Variants in TRIM49 observed in about 807,000 individuals in gnomAD.
TRIM49 encodes the protein tripartite motif-containing protein 49.
A neutral mutation model predicts 27.4 loss-of-function variants in TRIM49; 5 were observed. That is an observed-to-expected ratio of 0.18 (90% CI 0.10 to 0.38). The LOEUF (loss-of-function observed/expected upper bound fraction) is 0.38. TRIM49 is among the 10% of genes least tolerant of loss of function. The pLI is 1.00. For synonymous variants in TRIM49, 69 were observed against 166.0 expected (o/e 0.42, Z 4.49); for missense variants, 188 against 487.5 (o/e 0.39, Z 5.79).
chr11:89,787,873 G>T, the TRIM49 span: 4 of 422,856 alleles, frequency 9.5e-6, no homozygotes, highest in Non-Finnish European at 1.7e-5. Flanking sequence ...GGGTTTGAGG[G>T]CAGGGCAAGG....
downstream of TRIM49, among the ~76,000 whole-genome samples, chr11:89,793,762 C>T (rs1455235809): frequency 1.8e-4 from 27 of 152,024 alleles, no homozygotes; most frequent in Admixed American, 1.1e-3. Flanking sequence ...TTATGACAAT[C>T]CCACAGCCAA....
chr11:89,783,502 G>C, the TRIM49 span, among the ~76,000 whole-genome samples: 2 of 117,702 alleles, frequency 1.7e-5, no homozygotes, highest in African/African-American at 7.5e-5. Flanking sequence ...AATTTTTATA[G>C]GGTTGATTTC....
the TRIM49 span, chr11:89,776,997 T>A: frequency 6.5e-7 from 1 of 1,540,818 alleles, no homozygotes; most frequent in Non-Finnish European, 8.8e-7. Flanking sequence ...TCTGATGCCC[T>A]GCGAGTCTTC....
At chr11:89,776,318 C>T in the TRIM49 span, among the ~76,000 whole-genome samples, 1 of 138,442 alleles carries the variant, frequency 7.2e-6, no homozygotes, top group Non-Finnish European at 1.5e-5. Flanking sequence ...AGTGCAGTGG[C>T]ACGATCTCAG....
Position 89,804,999 on chromosome 11 carries a change from C to T in TRIM49, c.-4-526G>A, listed in dbSNP as rs1435928637. 2.6e-5 allele frequency among the ~76,000 whole-genome samples: 4 copies of T among 151,364 alleles called. No homozygotes were observed. The East Asian group carries it at 7.8e-4, about 30-fold the overall frequency. On this transcript the variant is annotated intron_variant, in intron 2 of 7. Coordinates refer to ENST00000329758, the MANE Select transcript of TRIM49 (RefSeq NM_020358.2). ...TTACCTACATAACAAGCCTGCAAGT[C>T]CTGCAGTTATCCCAGGACTTAAAAT...
the TRIM49 span, among the ~76,000 whole-genome samples, chr11:89,778,303 T>A: frequency 6.6e-6 from 1 of 152,048 alleles, no homozygotes; most frequent in African/African-American, 2.4e-5. Context: ...TAAGATTGGG[T>A]GTGAGGAAGA....
chr11:89,784,599 A>G, the TRIM49 span, among the ~76,000 whole-genome samples: 2 of 136,478 alleles, frequency 1.5e-5, no homozygotes, highest in African/African-American at 6.3e-5. Flanking sequence ...AAAATTATTC[A>G]CCTTAGGGCT....
At chr11:89,785,105 T>A in the TRIM49 span, among the ~76,000 whole-genome samples, 2 of 146,594 alleles carry the variant, frequency 1.4e-5, no homozygotes, top group Non-Finnish European at 3.0e-5. Flanking sequence ...TGGTTACAGA[T>A]TTTTTATGGA....
At chr11:89,791,706 C>G in the TRIM49 span, among the ~76,000 whole-genome samples, 1 of 152,088 alleles carries the variant, frequency 6.6e-6, no homozygotes, top group South Asian at 2.1e-4. Context: ...GAGATTTTGT[C>G]ACCACCAGGC....
chr11:89,800,557 C>T (rs1253708832), intron 6 of TRIM49, among the ~76,000 whole-genome samples: 2 of 150,916 alleles, frequency 1.3e-5, no homozygotes, highest in Non-Finnish European at 2.9e-5. Flanking sequence ...TCCTGGCTAA[C>T]ATGGTGAAAC....
At position 89,804,331 on chromosome 11, in the gene TRIM49, G is replaced by C. The variant is rs777133825; in HGVS notation, c.139C>G (p.Pro47Ala). 3.7e-6 allele frequency: 6 copies of C among 1,611,618 alleles called. No homozygotes were observed. The highest frequency in any genetic ancestry group is 1.7e-4 in the Middle Eastern group (1 of 6,050). The change falls in exon 3 of 8, where the codon CCA becomes GCA. Residue 47 changes from proline to alanine, a missense_variant. Pro to Ala is a conservative substitution (Grantham distance 27). Around this residue, in one of 6 missense-constraint regions of TRIM49, gnomAD observed 37 missense variants for 52.4 expected, o/e 0.71. Transcript: ENST00000329758. ...CATTCAGAGCACTGGACAAGAAATG[G>C]GATGTCTTGCCAGTTGAGGTAGAAA... Reference protein sequence around the residue: ...PCFYLNWQDIPFLVQCSECTK... With the variant: ...PCFYLNWQDIAFLVQCSECTK...
downstream of TRIM49, among the ~76,000 whole-genome samples, chr11:89,796,193 T>C (rs1168662316): frequency 6.6e-6 from 1 of 152,048 alleles, no homozygotes; most frequent in African/African-American, 2.4e-5. Context: ...ATACCTATAA[T>C]TAGCGCATTT....
At chr11:89,786,176 A>C in the TRIM49 span, 2 of 108,894 alleles carry the variant, frequency 1.8e-5, no homozygotes, top group Non-Finnish European at 3.6e-5. Context: ...AGCGTACCGG[A>C]GGAGGGCGTC....
the TRIM49 span, chr11:89,789,717 C>T: frequency 1.3e-5 from 2 of 152,070 alleles, no homozygotes; most frequent in Non-Finnish European, 2.9e-5. Context: ...TGTTGGGTTG[C>T]CAGGCATTCC....
intron 4 of TRIM49, among the ~76,000 whole-genome samples, chr11:89,802,338 G>C (rs1949745210): frequency 6.6e-6 from 1 of 150,500 alleles, no homozygotes; most frequent in Non-Finnish European, 1.5e-5. Context: ...AATGACCTTA[G>C]ACTAGCATGT....
At chr11:89,780,265 A>T in the TRIM49 span, among the ~76,000 whole-genome samples, 1 of 42,598 alleles carries the variant, frequency 2.3e-5, no homozygotes, top group Non-Finnish European at 4.9e-5. Context: ...TGCACAAAAG[A>T]TTAAAGACTT....
At chr11:89,775,954 T>A in the TRIM49 span, among the ~76,000 whole-genome samples, 2 of 147,562 alleles carry the variant, frequency 1.4e-5, no homozygotes, top group Non-Finnish European at 3.0e-5. Context: ...TATATTATCA[T>A]CATGGAATTA....
chr11:89,798,070 G>A lies in TRIM49; in HGVS notation c.*60C>T. 1.0e-6 allele frequency: 1 copy of A among 994,758 alleles called. No individual in the cohort carries two copies. Among genetic ancestry groups the A allele is most frequent in the Non-Finnish European group, 1.3e-6 (1 of 746,610 alleles). 61.6% of individuals were successfully genotyped at this position (994,758 alleles called of 1,614,324 possible). On this transcript the variant is annotated 3_prime_UTR_variant, in exon 8 of 8. Coordinates refer to ENST00000329758, the MANE Select transcript of TRIM49 (RefSeq NM_020358.2). ...CCTGTATGTTAAGGCACAAGGAAGA[G>A]GACTTCCTGGGATAAAGGGGTTCCC...
Position 89,798,556 on chromosome 11 carries a change from A to C in TRIM49, c.933T>G (p.Ile311Met), listed in dbSNP as rs763651308. 6 of 1,564,132 alleles carry C rather than the reference A, an allele frequency of 3.8e-6. No homozygotes were observed. The highest frequency in any genetic ancestry group is 5.2e-6 in the Non-Finnish European group (6 of 1,163,016). The change falls in exon 8 of 8, where the codon ATT (isoleucine) becomes ATG (methionine). Residue 311 changes from isoleucine (I) to methionine (M), a missense_variant. Ile to Met is a conservative substitution (Grantham distance 10). Coordinates refer to ENST00000329758, the MANE Select transcript of TRIM49 (RefSeq NM_020358.2). ...AGGGTACATCTTGATGGTCACATCC[A>C]ATACACATGCTTCTCAAAATTTCAT... is the stretch of plus-strand genomic sequence containing the variant. The part of the protein sequence containing the change: ...FLYEILRSMC[I>M]GCDHQDVPYF...
Sources: gnomAD v4.1 joint callset for allele counts (sites outside exome capture counted in the v4.1 genomes callset) on GRCh38, gnomAD v4.1.1 for gene constraint, gnomAD v4.1.1 regional missense constraint, MANE v1.5 for transcripts, NCBI Gene and HGNC (gene_info 2026-07-23, HGNC 2026-07-21) for gene names.